CCDC92B: variants seen among roughly 807,000 people sequenced by gnomAD.
CCDC92B encodes coiled-coil domain containing 92B, also known as coiled-coil domain-containing 92B.
Under a neutral mutation model 5.6 loss-of-function variants are expected in CCDC92B, and 2 were observed. That is an observed-to-expected ratio of 0.36 (90% confidence interval 0.15 to 1.12). The LOEUF (loss-of-function observed/expected upper bound fraction) is 1.12, where lower values mean the gene tolerates loss of function less well. Among genes scored for constraint, CCDC92B ranks in the 50% most tolerant of loss-of-function variants. The pLI, the probability that CCDC92B is intolerant of heterozygous loss-of-function variation, is 0.40. For synonymous variants in CCDC92B, 115 were observed against 122.3 expected (o/e 0.94, Z 0.39); for missense variants, 271 against 262.2 (o/e 1.03, Z -0.23).
chr17:2,746,554 G>A (rs1487425226), intron 1 of CCDC92B, among the ~76,000 whole-genome samples: 1 of 152,046 alleles, frequency 6.6e-6, no homozygotes, highest in Non-Finnish European at 1.5e-5. Context: ...TGAGGTCCGG[G>A]CTCCTGATCC....
intron 1 of CCDC92B, among the ~76,000 whole-genome samples, chr17:2,745,204 A>G (rs192067699): frequency 6.5e-4 from 99 of 151,960 alleles, no homozygotes; most frequent in African/African-American, 2.1e-3. Flanking sequence ...TGTGTGCCTG[A>G]GCCTGCGTGT....
At chr17:2,725,988 CTTTTT>C (rs565583381) in intron 3 of CCDC92B, among the ~76,000 whole-genome samples, 1,406 of 78,272 alleles carry the variant, frequency 0.018, 23 homozygotes, top group African/African-American at 0.075. Flanking sequence ...TTTATCACGT[CTTTTT>C]TTTTTTTTTT....
intron 2 of CCDC92B, among the ~76,000 whole-genome samples, chr17:2,733,862 G>T (rs541641483): frequency 7.1e-5 from 10 of 141,666 alleles, no homozygotes; most frequent in African/African-American, 2.6e-4. Context: ...AGGTTCAAGC[G>T]ATTCTCCTGC....
rs2070706370 is a variant in CCDC92B at position 2,724,826 on chromosome 17, C to A, written c.353G>T (p.Arg118Leu). ...EERRFLEELR[R>L]RSHRATVLGT... is the part of the protein sequence containing the mutation. ...CAGCACGGTGGCGCGGTGGCTGCGG[C>A]GGCGCAGCTCCTCCAGGAAGCGGCG... is the stretch of plus-strand genomic sequence containing the variant. The change falls in exon 4 of 4, where the codon CGC becomes CTC. Residue 118 changes from arginine (R) to leucine (L), a missense_variant. Coordinates refer to ENST00000614400, the MANE Select transcript of CCDC92B (RefSeq NM_001355573.2). This position sits in a 1 kb window ranked among gnomAD's most constrained non-coding sequence, Gnocchi z 5.0. 1.0e-6 allele frequency: 1 copy of A among 984,858 alleles called. No individual in the cohort carries two copies. Among genetic ancestry groups the A allele is most frequent in the East Asian group, 1.1e-4 (1 of 8,762 alleles). 61.0% of individuals were successfully genotyped at this position (984,858 alleles called of 1,614,324 possible).
chr17:2,732,221 T>A (rs1597237740), intron 2 of CCDC92B, among the ~76,000 whole-genome samples: 1 of 152,066 alleles, frequency 6.6e-6, no homozygotes, highest in Admixed American at 6.6e-5. Context: ...CTTAGCCAGC[T>A]CCCTGGGCAG....
chr17:2,743,403 C>G (rs1243111678), intron 1 of CCDC92B, among the ~76,000 whole-genome samples: 1 of 152,218 alleles, frequency 6.6e-6, no homozygotes, highest in East Asian at 1.9e-4. Flanking sequence ...TGCACTCCAG[C>G]CTGGGTGACA....
intron 3 of CCDC92B, among the ~76,000 whole-genome samples, chr17:2,728,606 AAAAAAAAAC>A (rs908151232): frequency 2.0e-5 from 3 of 151,892 alleles, no homozygotes; most frequent in East Asian, 1.9e-4. Flanking sequence ...CCGTCTCAAA[AAAAAAAAAC>A]AAAAAAAACA....
chr17:2,733,415 A>C (rs1350524294), intron 2 of CCDC92B, among the ~76,000 whole-genome samples: 1 of 151,782 alleles, frequency 6.6e-6, no homozygotes, highest in Non-Finnish European at 1.5e-5. Context: ...ATGTGCCACC[A>C]CGTCCGGCTA....
chr17:2,738,322 G>A (rs895985815), intron 1 of CCDC92B, among the ~76,000 whole-genome samples: 1 of 152,070 alleles, frequency 6.6e-6, no homozygotes, highest in African/African-American at 2.4e-5. Context: ...ACAGGCATGA[G>A]CTGCTGGATC....
chr17:2,741,358 T>A (rs1318104196), intron 1 of CCDC92B, among the ~76,000 whole-genome samples: 2 of 151,940 alleles, frequency 1.3e-5, no homozygotes, highest in Non-Finnish European at 2.9e-5. Flanking sequence ...AAGAGTAGGT[T>A]CACATGGCGT....
chr17:2,745,094 A>AAAAT (rs1217724750), intron 1 of CCDC92B, among the ~76,000 whole-genome samples: 11 of 149,322 alleles, frequency 7.4e-5, no homozygotes, highest in Admixed American at 6.7e-4. Context: ...AAAAAAAGAT[A>AAAAT]AAATAAAAAC....
chr17:2,744,940 G>T (rs2070968117), intron 1 of CCDC92B, among the ~76,000 whole-genome samples: 1 of 151,782 alleles, frequency 6.6e-6, no homozygotes, highest in African/African-American at 2.4e-5. Flanking sequence ...GTGGTGGCGT[G>T]TGCCTGTGGT....
At chr17:2,732,271 C>T (rs1429385258) in intron 2 of CCDC92B, among the ~76,000 whole-genome samples, 1 of 152,182 alleles carries the variant, frequency 6.6e-6, no homozygotes, top group Non-Finnish European at 1.5e-5. Context: ...TCCTCTCTCC[C>T]AACCGCCTCC....
At position 2,735,047 on chromosome 17, in the gene CCDC92B, C is replaced by T; in HGVS notation, c.99G>A (p.Leu33=). 2 of 985,568 alleles carry T rather than the reference C, an allele frequency of 2.0e-6. No homozygotes were observed. Among genetic ancestry groups the T allele is most frequent in the Non-Finnish European group, 1.2e-6 (1 of 830,044 alleles). The allele number at this position is 985,568 out of a possible 1,614,324, so 61.1% of individuals were successfully genotyped here. ...EQMALLRDLH[L]EILRLQKRCS... The stretch of plus-strand genomic sequence containing the variant: ...AGCGTTTCTGCAGCCTCAGGATCTC[C>T]AGGTGCAGGTCTCGCAGCAGGGCCA... The change falls in exon 2 of 4, where the codon CTG becomes CTA. Residue 33 remains leucine (L), a synonymous_variant. Coordinates refer to ENST00000614400, the MANE Select transcript of CCDC92B (RefSeq NM_001355573.2).
rs756614050 is a variant in CCDC92B at position 2,735,047 on chromosome 17, C to G, written c.99G>C (p.Leu33=). 9.1e-6 allele frequency: 9 copies of G among 985,568 alleles called. No individual in the cohort carries two copies. The highest frequency in any genetic ancestry group is 1.1e-5 in the Non-Finnish European group (9 of 830,044). 61.1% of individuals were successfully genotyped at this position (985,568 alleles called of 1,614,324 possible). ...AGCGTTTCTGCAGCCTCAGGATCTC[C>G]AGGTGCAGGTCTCGCAGCAGGGCCA... ...EQMALLRDLH[L]EILRLQKRCS... Residue 33 remains leucine (L), a synonymous_variant, in exon 2 of 4, where the codon CTG becomes CTC. Coordinates refer to ENST00000614400, the MANE Select transcript of CCDC92B (RefSeq NM_001355573.2).
At chr17:2,726,913 CT>C (rs564106911) in intron 3 of CCDC92B, among the ~76,000 whole-genome samples, 2,802 of 135,504 alleles carry the variant, frequency 0.021, 52 homozygotes, top group African/African-American at 0.06. Context: ...ACGCCCAGCC[CT>C]TTTTTTTTTT....
chr17:2,748,944 C>G (rs1221910959), intron 1 of CCDC92B, among the ~76,000 whole-genome samples: 1 of 152,172 alleles, frequency 6.6e-6, no homozygotes, highest in Non-Finnish European at 1.5e-5. Flanking sequence ...GCTCAGGACC[C>G]TCCACCTCAG....
At chr17:2,738,230 CAG>C (rs2070877328) in intron 1 of CCDC92B, among the ~76,000 whole-genome samples, 1 of 151,804 alleles carries the variant, frequency 6.6e-6, no homozygotes, top group African/African-American at 2.4e-5. Context: ...TTTGTAGAGA[CAG>C]GGTTCTCTAC....
Position 2,745,776 on chromosome 17 carries a change from C to CT in CCDC92B, c.-24+3634dup, listed in dbSNP as rs1265138131. 5.9e-5 allele frequency among the ~76,000 whole-genome samples: 9 copies of CT among 152,294 alleles called. No individual in the cohort carries two copies. The East Asian group carries it at 1.5e-3, about 26-fold the overall frequency. ...CAGGCCAGTAACAGTAGCTGAAGGGCTGGAGCTGTCAGCTCCATCTTTCCC... is the reference window on the plus strand; with the variant it reads ...CAGGCCAGTAACAGTAGCTGAAGGGCTTGGAGCTGTCAGCTCCATCTTTCCC... On this transcript the variant is annotated intron_variant, in intron 1 of 3. Transcript: ENST00000614400.
Sources: gnomAD v4.1 joint callset for allele counts (sites outside exome capture counted in the v4.1 genomes callset) on GRCh38, gnomAD v4.1.1 for gene constraint, Gnocchi (gnomAD v3.1) non-coding constraint, MANE v1.5 for transcripts, NCBI Gene and HGNC (gene_info 2026-07-23, HGNC 2026-07-21) for gene names.